ZNF385B: variants seen among roughly 807,000 people sequenced by gnomAD.
The protein encoded by ZNF385B is zinc finger protein 533.
Under a neutral mutation model 39.2 loss-of-function variants are expected in ZNF385B, and 23 were observed. The ratio of observed to expected loss-of-function variants is 0.59; its 90% CI spans 0.42 to 0.83. ZNF385B has a LOEUF of 0.83. ZNF385B is among the 40% of genes least tolerant of loss of function. The pLI is 0.00. For missense variants in ZNF385B, 552 were observed against 598.9 expected, an observed-to-expected ratio of 0.92 and a Z score of 0.82; for synonymous variants, 205 against 222.6, an observed-to-expected ratio of 0.92 and a Z score of 0.70.
At chr2:179,811,625 C>T (rs569010759) in intron 1 of ZNF385B, among the ~76,000 whole-genome samples, 3 of 152,220 alleles carry the variant, frequency 2.0e-5, no homozygotes, top group African/African-American at 7.2e-5. Flanking sequence ...TAGACCTCTA[C>T]ATTTTAACAT....
chr2:179,678,753 C>G (rs1697205161), intron 3 of ZNF385B, among the ~76,000 whole-genome samples: 1 of 152,184 alleles, frequency 6.6e-6, no homozygotes, highest in Admixed American at 6.5e-5. Flanking sequence ...GCTGTGTCCT[C>G]TGCCATACTC....
intron 3 of ZNF385B, among the ~76,000 whole-genome samples, chr2:179,657,954 C>G (rs2106266911): frequency 6.6e-6 from 1 of 152,250 alleles, no homozygotes; most frequent in Middle Eastern, 3.4e-3. Flanking sequence ...GCCATCTCAC[C>G]ACAGTGAAAT....
At chr2:179,460,041 T>C (rs547487357) in intron 6 of ZNF385B, among the ~76,000 whole-genome samples, 188 of 151,750 alleles carry the variant, frequency 1.2e-3, no homozygotes, top group African/African-American at 4.3e-3. Context: ...GAGGCAGAGG[T>C]TGCGGTGAGC....
chr2:179,542,680 CAG>C (rs1192009359), intron 4 of ZNF385B, among the ~76,000 whole-genome samples: 1 of 151,932 alleles, frequency 6.6e-6, no homozygotes, highest in Non-Finnish European at 1.5e-5. Flanking sequence ...CTCTTCAAAA[CAG>C]AGAGGCAGAT....
chr2:179,722,119 C>T (rs1700733368), intron 3 of ZNF385B, among the ~76,000 whole-genome samples: 1 of 151,994 alleles, frequency 6.6e-6, no homozygotes, highest in Admixed American at 6.6e-5. Flanking sequence ...AGCAGCAGAG[C>T]ATGTAAAATA....
intron 1 of ZNF385B, among the ~76,000 whole-genome samples, chr2:179,811,545 T>C (rs987458734): frequency 6.6e-6 from 1 of 152,104 alleles, no homozygotes; most frequent in African/African-American, 2.4e-5. Context: ...AAATAAGCAA[T>C]GGGAAAAGGA....
At chr2:179,712,524 C>T (rs893902997) in intron 3 of ZNF385B, among the ~76,000 whole-genome samples, 11 of 152,142 alleles carry the variant, frequency 7.2e-5, no homozygotes, top group African/African-American at 2.4e-4. Context: ...GGCTCTGTTG[C>T]TTTTGTTTCT....
chr2:179,558,745 G>C (rs2061124379), intron 3 of ZNF385B, among the ~76,000 whole-genome samples: 1 of 152,168 alleles, frequency 6.6e-6, no homozygotes, highest in African/African-American at 2.4e-5. Context: ...AGTAAAGTAT[G>C]ATAGTCATGG....
At chr2:179,810,240 C>T (rs529697330) in intron 1 of ZNF385B, among the ~76,000 whole-genome samples, 4 of 151,592 alleles carry the variant, frequency 2.6e-5, no homozygotes, top group Non-Finnish European at 5.9e-5. Context: ...GGACGTTAAG[C>T]ATAGAGCAAA....
intron 4 of ZNF385B, among the ~76,000 whole-genome samples, chr2:179,526,815 A>C (rs1019764326): frequency 2.6e-5 from 4 of 152,170 alleles, no homozygotes; most frequent in Non-Finnish European, 5.9e-5. Context: ...CTCTCTCCAC[A>C]AACCGTTTAT....
chr2:179,803,270 C>T (rs1326769327), intron 1 of ZNF385B, among the ~76,000 whole-genome samples: 1 of 152,018 alleles, frequency 6.6e-6, no homozygotes, highest in Non-Finnish European at 1.5e-5. Flanking sequence ...TCTAAGGTAA[C>T]ACAGTTTTAG....
intron 1 of ZNF385B, among the ~76,000 whole-genome samples, chr2:179,847,407 C>A (rs1166452478): frequency 2.0e-5 from 3 of 152,190 alleles, no homozygotes. Context: ...ATACAATTTT[C>A]TCTTAAAATG....
chr2:179,856,991 G>A (rs1322625728), intron 1 of ZNF385B, among the ~76,000 whole-genome samples: 1 of 152,176 alleles, frequency 6.6e-6, no homozygotes, highest in Non-Finnish European at 1.5e-5. Context: ...TCAAAGCGTG[G>A]TTCAAGGATC....
intron 3 of ZNF385B, among the ~76,000 whole-genome samples, chr2:179,717,756 A>AT (rs1304564857): frequency 1.3e-5 from 2 of 152,114 alleles, no homozygotes; most frequent in African/African-American, 4.8e-5. Context: ...AAACCTTCTC[A>AT]TGATAGTTTC....
At chr2:179,483,772 C>T (rs2054269393) in intron 5 of ZNF385B, among the ~76,000 whole-genome samples, 1 of 152,200 alleles carries the variant, frequency 6.6e-6, no homozygotes, top group African/African-American at 2.4e-5. Flanking sequence ...CATTGGCTGG[C>T]AGCAGGGGCT....
At position 179,556,117 on chromosome 2, in the gene ZNF385B, G is replaced by A. The variant is rs183747214; in HGVS notation, c.299-11148C>T. On this transcript the variant is annotated intron_variant, in intron 3 of 9. Transcript: ENST00000410066. The stretch of plus-strand genomic sequence containing the variant: ...AACAGATGGCTTTTCAGATGCTGTG[G>A]CAATAGAATATGTACAGCCAAGTGG... Among the ~76,000 whole-genome samples, 56 of 147,702 alleles carry A rather than the reference G, an allele frequency of 3.8e-4. 7 individuals carry two copies. The highest frequency in any genetic ancestry group is 1.4e-3 in the African/African-American group (54 of 38,830).
chr2:179,513,246 A>G (rs1475023800), intron 5 of ZNF385B, among the ~76,000 whole-genome samples: 1 of 152,230 alleles, frequency 6.6e-6, no homozygotes, highest in African/African-American at 2.4e-5. Context: ...CAAATAAAAA[A>G]TGCTCAGTTT....
intron 1 of ZNF385B, among the ~76,000 whole-genome samples, chr2:179,825,941 T>C (rs1238933984): frequency 6.6e-6 from 1 of 152,188 alleles, no homozygotes; most frequent in Non-Finnish European, 1.5e-5. Flanking sequence ...TAGGAATCAT[T>C]GTCAGTATTC....
chr2:179,541,284 A>G (rs1432787641), intron 4 of ZNF385B, among the ~76,000 whole-genome samples: 3 of 152,254 alleles, frequency 2.0e-5, no homozygotes, highest in Admixed American at 1.3e-4. Flanking sequence ...AACCACTAAA[A>G]GAACACCATG....
Sources: allele counts gnomAD v4.1 joint callset (sites outside exome capture counted in the v4.1 genomes callset), GRCh38; gene constraint gnomAD v4.1.1; transcripts MANE v1.5; gene names NCBI Gene and HGNC (gene_info 2026-07-23, HGNC 2026-07-21).